The following NUDT18 variants were observed in gnomAD, a reference collection of about 807,000 sequenced individuals.
The protein encoded by NUDT18 is 8-oxo-dGDP phosphatase NUDT18.
A neutral mutation model predicts 27.6 loss-of-function variants in NUDT18; 26 were observed. The ratio of observed to expected loss-of-function variants is 0.94; its 90% CI spans 0.69 to 1.31. The LOEUF (loss-of-function observed/expected upper bound fraction) is 1.31, where lower values mean the gene tolerates loss of function less well. NUDT18 is among the 50% of genes most tolerant of loss of function. NUDT18 has a pLI of 0.00. For missense variants in NUDT18, 450 were observed against 433.4 expected, an observed-to-expected ratio of 1.04 and a Z score of -0.34; for synonymous variants, 220 against 196.9, an observed-to-expected ratio of 1.12 and a Z score of -0.98.
Position 22,107,145 on chromosome 8 carries a change from C to T in NUDT18, c.*155G>A. 1 of 617,726 alleles carries T rather than the reference C, an allele frequency of 1.6e-6. No individual in the cohort carries two copies. Among genetic ancestry groups the T allele is most frequent in the East Asian group, 2.8e-5 (1 of 36,266 alleles). 38.3% of individuals were successfully genotyped at this position (617,726 alleles called of 1,614,324 possible). A position where few individuals can be genotyped will look rare whatever the true frequency, so the allele number is the denominator to read the frequency against. ...GTCCCTTGTGCAATCTAGAGGAATG[C>T]TCCTCAAAGCATCTCTCCTGGGGAC... On this transcript the variant is annotated 3_prime_UTR_variant, in exon 3 of 3. Coordinates refer to ENST00000611621, the MANE Select transcript of NUDT18 (RefSeq NM_024815.4).
At chr8:22,108,395 C>G in intron 1 of NUDT18, 49 bp from the exon 2 acceptor site, 1 of 1,497,640 alleles carries the variant, frequency 6.7e-7, no homozygotes. Flanking sequence ...TCCCTCGCCC[C>G]GGGACCAGGG....
intron 1 of NUDT18, among the ~76,000 whole-genome samples, chr8:22,108,596 T>TCCA (rs1260578914): frequency 1.3e-5 from 2 of 152,222 alleles, no homozygotes; most frequent in African/African-American, 2.4e-5. Flanking sequence ...CTTCAGGGGC[T>TCCA]GGAGATGAGG....
chr8:22,108,226 C>T lies in NUDT18; in HGVS notation c.283G>A (p.Glu95Lys), dbSNP rs1429492216. Reference sequence around the variant, plus strand: ...TCGGGCTCACAGTGCAGCCCCGCCTCCTCCTTCACCTCCCGCTGCAGCGCC... The same window carrying T: ...TCGGGCTCACAGTGCAGCCCCGCCTTCTCCTTCACCTCCCGCTGCAGCGCC... ...VEALQREVKE[E>K]AGLHCEPETL... The change falls in exon 2 of 3, where the codon GAG becomes AAG. Residue 95 changes from glutamate (E) to lysine (K), a missense_variant. Physicochemically the swap from Glu to Lys is moderately conservative, Grantham distance 56. Coordinates refer to ENST00000611621, the MANE Select transcript of NUDT18 (RefSeq NM_024815.4). 1 of 1,597,426 alleles carries T rather than the reference C, an allele frequency of 6.3e-7. No individual in the cohort carries two copies. The highest frequency in any genetic ancestry group is 1.1e-5 in the South Asian group (1 of 88,236).
chr8:22,107,279 CCT>C lies in NUDT18; in HGVS notation c.*19_*20del, dbSNP rs757629178. On this transcript the variant is annotated 3_prime_UTR_variant, in exon 3 of 3. Coordinates refer to ENST00000611621, the MANE Select transcript of NUDT18 (RefSeq NM_024815.4). ...TGGAGGGAGCACGGCTGCCTAGCTC[CCT>C]GTCACCTCCCCCACCTCTCTATCTG... 1.3e-6 allele frequency: 2 copies of C among 1,546,952 alleles called. No homozygotes were observed. Among genetic ancestry groups the C allele is most frequent in the Non-Finnish European group, 8.8e-7 (1 of 1,142,206 alleles).
rs751740638 is a variant in NUDT18, at chr8:22,107,837, G to C, written c.435C>G (p.Tyr145Ter). 2.5e-6 allele frequency: 4 copies of C among 1,609,030 alleles called. No individual in the cohort carries two copies. The highest frequency in any genetic ancestry group is 1.7e-6 in the Non-Finnish European group (2 of 1,177,222). ...GCGGAGTGGGCAGGGAGGTCCGTGGGTACCAGGCAGCCTGCAGGGACTCCG... is the reference window on the plus strand; with the variant it reads ...GCGGAGTGGGCAGGGAGGTCCGTGGCTACCAGGCAGCCTGCAGGGACTCCG... ...ADAESLQAAW[Y>*]PRTSLPTPLR... Residue 145 changes from tyrosine (Y) to a stop codon, truncating the protein, a stop_gained, in exon 3 of 3, where the codon TAC becomes TAG. Transcript: ENST00000611621. LOFTEE classifies it high-confidence loss of function.
rs769595818 is a variant in NUDT18 at position 22,107,436 on chromosome 8, C to T, written c.836G>A (p.Arg279Gln). ...CLNVLVTVAF[R>Q]SPGIQDEPPK... ...GGGTTCATCCTGGATCCCTGGGCTC[C>T]GAAAAGCCACGGTCACCAGCACATT... Residue 279 changes from arginine to glutamine, a missense_variant, in exon 3 of 3, where the codon CGG (arginine) becomes CAG (glutamine). Coordinates refer to ENST00000611621, the MANE Select transcript of NUDT18 (RefSeq NM_024815.4). The T allele has an allele frequency of 2.3e-5, 37 of 1,613,194 alleles. No homozygotes were observed. The highest frequency in any genetic ancestry group is 1.4e-4 in the South Asian group (13 of 91,072).
rs1433275476 is a variant in NUDT18, at chr8:22,109,214, G to C, written c.87C>G (p.Ala29=). 1.4e-6 allele frequency: 2 copies of C among 1,441,610 alleles called. No individual in the cohort carries two copies. The highest frequency in any genetic ancestry group is 1.5e-5 in the African/African-American group (1 of 66,412). The allele number at this position is 1,441,610 out of a possible 1,614,324, so 89.3% of individuals were successfully genotyped here. Residue 29 remains alanine (A), a synonymous_variant, in exon 1 of 3, where the codon GCC becomes GCG. Coordinates refer to ENST00000611621, the MANE Select transcript of NUDT18 (RefSeq NM_024815.4). ...GCCGCACGGGCGCCGGCGGCTCCCCGGCCGGCGCCGAGTCGCAGCTGTGCA... is the reference window on the plus strand; with the variant it reads ...GCCGCACGGGCGCCGGCGGCTCCCCCGCCGGCGCCGAGTCGCAGCTGTGCA... ...SSVHSCDSAP[A]GEPPAPVRLR... is the part of the protein sequence containing the mutation.
rs1362110236 is a variant in NUDT18, at chr8:22,108,072, C to T, written c.376+61G>A. The T allele has an allele frequency of 6.3e-6, 9 of 1,430,254 alleles. No homozygotes were observed. The South Asian group carries it at 7.4e-5, about 12-fold the overall frequency. The allele number at this position is 1,430,254 out of a possible 1,614,324, so 88.6% of individuals were successfully genotyped here. A position where few individuals can be genotyped will look rare whatever the true frequency, so the allele number is the denominator to read the frequency against. On this transcript the variant is annotated intron_variant, in intron 2 of 2. Coordinates refer to ENST00000611621, the MANE Select transcript of NUDT18 (RefSeq NM_024815.4). The stretch of plus-strand genomic sequence containing the variant: ...CTGGCTGTAGAGGGGCTCACCTCAC[C>T]GAGGAGCTGGGGGAAAGGTGTCAAC...
At position 22,107,986 on chromosome 8, in the gene NUDT18, A is replaced by AGAGG. The variant is rs564585419; in HGVS notation, c.377-95_377-92dup. The AGAGG allele has an allele frequency of 1.2e-4, 161 of 1,357,168 alleles. No homozygotes were observed. The African/African-American group carries it at 2.0e-3, about 17-fold the overall frequency. The allele number at this position is 1,357,168 out of a possible 1,614,324, so 84.1% of individuals were successfully genotyped here. A position where few individuals can be genotyped will look rare whatever the true frequency, so the allele number is the denominator to read the frequency against. On this transcript the variant is annotated intron_variant, in intron 2 of 2. Transcript: ENST00000611621. ...TCAACAGACATCCCTGACCCAGGAGAGAGGCCCCCAGCCCAAAGGCTGGAA... is the reference window on the plus strand; with the variant it reads ...TCAACAGACATCCCTGACCCAGGAGAGAGGGAGGCCCCCAGCCCAAAGGCTGGAA...
At position 22,109,405 on chromosome 8, in the gene NUDT18, C is replaced by G; in HGVS notation, c.-105G>C. 1 of 323,432 alleles carries G rather than the reference C, an allele frequency of 3.1e-6. No homozygotes were observed. The allele number at this position is 323,432 out of a possible 1,614,324, so 20.0% of individuals were successfully genotyped here. A position where few individuals can be genotyped will look rare whatever the true frequency, so the allele number is the denominator to read the frequency against. On this transcript the variant is annotated 5_prime_UTR_variant, in exon 1 of 3. Transcript: ENST00000611621. ...CGCTCCCAGTCCCTGCGGCAGCGGGCCGGGAGCTCACGAGAACGCGGAAGC... is the reference window on the plus strand; with the variant it reads ...CGCTCCCAGTCCCTGCGGCAGCGGGGCGGGAGCTCACGAGAACGCGGAAGC...
In NUDT18 at chr8:22,108,286, C is replaced by T. The variant is rs761980853; in HGVS notation, c.223G>A (p.Ala75Thr). 3.1e-6 allele frequency: 5 copies of T among 1,594,988 alleles called. No individual in the cohort carries two copies. In the Admixed American group the frequency reaches 5.3e-5, roughly 17 times the overall value. ...GTCTCCCCTGGCTCCATTCTCCCCG[C>T]AGGCAGGTACCACGACCCCCGGCAC... ...RECRGSWYLP[A>T]GRMEPGETIV... The change falls in exon 2 of 3, where the codon GCG (alanine) becomes ACG (threonine). Residue 75 changes from alanine (A) to threonine (T), a missense_variant. Ala to Thr is a moderately conservative substitution (Grantham distance 58). Transcript: ENST00000611621.
upstream of NUDT18, chr8:22,109,538 G>T (rs1191652032): frequency 8.8e-6 from 4 of 453,820 alleles, no homozygotes; most frequent in East Asian, 4.8e-5. Context: ...GGGCGGGGCC[G>T]CCCGGGGCCG....
chr8:22,108,004 G>A (rs1435881598), intron 2 of NUDT18, 109 bp from the exon 3 acceptor site: 12 of 1,359,060 alleles, frequency 8.8e-6, no homozygotes, highest in Middle Eastern at 3.8e-4. Flanking sequence ...CCAGCCCAAA[G>A]GCTGGAATCT....
rs201109000 is a variant in NUDT18, at chr8:22,107,820, G to A, written c.452C>T (p.Pro151Leu). Reference protein sequence around the residue: ...QAAWYPRTSLPTPLRAHDILH... With the variant: ...QAAWYPRTSLLTPLRAHDILH... ...GATGTCATGGGCTCGCAGCGGAGTGGGCAGGGAGGTCCGTGGGTACCAGGC... is the reference window on the plus strand; with the variant it reads ...GATGTCATGGGCTCGCAGCGGAGTGAGCAGGGAGGTCCGTGGGTACCAGGC... The change falls in exon 3 of 3, where the codon CCC becomes CTC. Residue 151 changes from proline (P) to leucine (L), a missense_variant. Coordinates refer to ENST00000611621, the MANE Select transcript of NUDT18 (RefSeq NM_024815.4). 1.5e-4 allele frequency: 242 copies of A among 1,612,406 alleles called. No individual in the cohort carries two copies. The highest frequency in any genetic ancestry group is 2.0e-4 in the Non-Finnish European group (231 of 1,179,418).
chr8:22,109,386 C>CAGTCCCTGCGGAGACCGCTCCT lies in NUDT18; in HGVS notation c.-87_-86insAGGAGCGGTCTCCGCAGGGACT. On this transcript the variant is annotated 5_prime_UTR_variant, in exon 1 of 3. Transcript: ENST00000611621. ...TAGAGTGCGCTGCGGAGCCCGCTCC[C>CAGTCCCTGCGGAGACCGCTCCT]AGTCCCTGCGGCAGCGGGCCGGGAG... 1 of 1,286,526 alleles carries CAGTCCCTGCGGAGACCGCTCCT rather than the reference C, an allele frequency of 7.8e-7. No homozygotes were observed. The highest frequency in any genetic ancestry group is 9.9e-7 in the Non-Finnish European group (1 of 1,005,992). The allele number at this position is 1,286,526 out of a possible 1,614,324, so 79.7% of individuals were successfully genotyped here.
rs1473810217 is a variant in NUDT18, at chr8:22,108,282, C to T, written c.227G>A (p.Gly76Glu). The T allele has an allele frequency of 5.6e-6, 9 of 1,595,998 alleles. No individual in the cohort carries two copies. In the Admixed American group the frequency reaches 7.0e-5, roughly 12 times the overall value. Reference protein sequence around the residue: ...ECRGSWYLPAGRMEPGETIVE... With the variant: ...ECRGSWYLPAERMEPGETIVE... The stretch of plus-strand genomic sequence containing the variant: ...GATGGTCTCCCCTGGCTCCATTCTC[C>T]CCGCAGGCAGGTACCACGACCCCCG... The change falls in exon 2 of 3, where the codon GGG becomes GAG. Residue 76 changes from glycine (G) to glutamate (E), a missense_variant. Coordinates refer to ENST00000611621, the MANE Select transcript of NUDT18 (RefSeq NM_024815.4).
chr8:22,107,794 G>C lies in NUDT18; in HGVS notation c.478C>G (p.Leu160Val). The change falls in exon 3 of 3, where the codon CTG becomes GTG. Residue 160 changes from leucine (L) to valine (V), a missense_variant. Leu to Val is a conservative substitution (Grantham distance 32). Transcript: ENST00000611621. ...TGGGCGGCTAGTTCAACCAGGTGCA[G>C]GATGTCATGGGCTCGCAGCGGAGTG... ...LPTPLRAHDILHLVELAAQYR... is the reference protein window; with the variant it reads ...LPTPLRAHDIVHLVELAAQYR... The C allele has an allele frequency of 1.2e-6, 2 of 1,613,506 alleles. No individual in the cohort carries two copies. Among genetic ancestry groups the C allele is most frequent in the Non-Finnish European group, 1.7e-6 (2 of 1,179,870 alleles).
rs766752999 is a variant in NUDT18 at position 22,107,267 on chromosome 8, G to C, written c.*33C>G. ...ACAAGTCCGCACTGGAGGGAGCACG[G>C]CTGCCTAGCTCCCTGTCACCTCCCC... On this transcript the variant is annotated 3_prime_UTR_variant, in exon 3 of 3. Coordinates refer to ENST00000611621, the MANE Select transcript of NUDT18 (RefSeq NM_024815.4). 12 of 1,502,982 alleles carry C rather than the reference G, an allele frequency of 8.0e-6. No individual in the cohort carries two copies. Among genetic ancestry groups the C allele is most frequent in the Non-Finnish European group, 9.9e-6 (11 of 1,113,024 alleles). The allele number at this position is 1,502,982 out of a possible 1,614,324, so 93.1% of individuals were successfully genotyped here.
intron 2 of NUDT18, 35 bp downstream of exon 2, chr8:22,108,098 T>C (rs1032931515): frequency 6.8e-7 from 1 of 1,462,474 alleles, no homozygotes. Context: ...AGGTGTCAAC[T>C]GGCCCTGTTC....
Sources: gnomAD v4.1 joint callset for allele counts (sites outside exome capture counted in the v4.1 genomes callset) on GRCh38, gnomAD v4.1.1 for gene constraint, MANE v1.5 for transcripts, NCBI Gene and HGNC (gene_info 2026-07-23, HGNC 2026-07-21) for gene names.